Variants in CHST12 observed in about 807,000 individuals in gnomAD.
The protein encoded by CHST12 is carbohydrate (chondroitin 4) sulfotransferase 12.
CHST12 carries 23 observed loss-of-function variants against 27.9 expected under a neutral mutation model. The ratio of observed to expected loss-of-function variants is 0.82; its 90% CI spans 0.59 to 1.17. The LOEUF is 1.17. CHST12 is among the 50% of genes most tolerant of loss of function. The pLI, the probability that CHST12 is intolerant of heterozygous loss-of-function variation, is 0.00. For missense variants in CHST12, 682 were observed against 603.0 expected, an observed-to-expected ratio of 1.13 and a Z score of -1.37; for synonymous variants, 322 against 273.0, an observed-to-expected ratio of 1.18 and a Z score of -1.77.
At chr7:2,405,129 G>A (rs184859337) in intron 1 of CHST12, among the ~76,000 whole-genome samples, 1 of 152,240 alleles carries the variant, frequency 6.6e-6, no homozygotes, top group African/African-American at 2.4e-5. Context: ...GATGAAGTGG[G>A]GTTTGAGGAT....
rs1356710028 is a variant in CHST12 at position 2,439,022 on chromosome 7, G to A, written c.*5138G>A. 1.3e-5 allele frequency: 2 copies of A among 152,278 alleles called. No individual in the cohort carries two copies. Among genetic ancestry groups the A allele is most frequent in the Admixed American group, 6.5e-5 (1 of 15,282 alleles). 9.4% of individuals were successfully genotyped at this position (152,278 alleles called of 1,614,324 possible). On this transcript the variant is annotated 3_prime_UTR_variant, in exon 2 of 2. Coordinates refer to ENST00000618655, the MANE Select transcript of CHST12 (RefSeq NM_018641.5). ...TGAGGGAGGAAGGGCCACCAGATCGGGGGCCGGGCCGGGGTGAGCACCTGA... is the reference window on the plus strand; with the variant it reads ...TGAGGGAGGAAGGGCCACCAGATCGAGGGCCGGGCCGGGGTGAGCACCTGA...
intron 1 of CHST12, among the ~76,000 whole-genome samples, chr7:2,427,734 T>G (rs1328603231): frequency 6.6e-6 from 1 of 152,182 alleles, no homozygotes; most frequent in Non-Finnish European, 1.5e-5. Flanking sequence ...ATTTTTTAGC[T>G]TGTTAATATG....
intron 1 of CHST12, among the ~76,000 whole-genome samples, chr7:2,420,187 A>T (rs1283484868): frequency 6.6e-6 from 1 of 150,988 alleles, no homozygotes; most frequent in African/African-American, 2.5e-5. Flanking sequence ...GTTAGCCAGG[A>T]TGGTCTTGAT....
chr7:2,432,025 C>T (rs535296370), intron 1 of CHST12, among the ~76,000 whole-genome samples: 45 of 151,692 alleles, frequency 3.0e-4, no homozygotes, highest in African/African-American at 9.9e-4. Flanking sequence ...GATATAGATT[C>T]GAAGATTAAA....
intron 1 of CHST12, among the ~76,000 whole-genome samples, chr7:2,420,303 C>G (rs927771726): frequency 1.1e-4 from 17 of 152,116 alleles, no homozygotes; most frequent in Admixed American, 7.2e-4. Flanking sequence ...TGGCTTATTT[C>G]ACTGAGCATA....
chr7:2,431,473 T>A (rs1782267864), intron 1 of CHST12, among the ~76,000 whole-genome samples: 1 of 152,226 alleles, frequency 6.6e-6, no homozygotes, highest in South Asian at 2.1e-4. Flanking sequence ...TACTGGGCCC[T>A]GACCTGGCTG....
At chr7:2,409,277 A>G (rs1372468546) in intron 1 of CHST12, among the ~76,000 whole-genome samples, 3 of 152,182 alleles carry the variant, frequency 2.0e-5, no homozygotes, top group African/African-American at 4.8e-5. Flanking sequence ...CTGAACAACC[A>G]AGGTTCACTC....
rs145197831 is a variant in CHST12 at position 2,406,741 on chromosome 7, C to T, written c.-78+3068C>T. Among the ~76,000 whole-genome samples, 35 of 152,190 alleles carry T rather than the reference C, an allele frequency of 2.3e-4. No homozygotes were observed. The East Asian group carries it at 6.2e-3, about 27-fold the overall frequency. ...AGCTGGATCCCTTGCTAACGAAGCC[C>T]GTCATTAATAACCCCCTCCCAGTGT... On this transcript the variant is annotated intron_variant, in intron 1 of 1. Transcript: ENST00000618655.
intron 1 of CHST12, among the ~76,000 whole-genome samples, chr7:2,422,671 G>A (rs1226729527): frequency 6.6e-6 from 1 of 152,066 alleles, no homozygotes; most frequent in Non-Finnish European, 1.5e-5. Context: ...CAGTAGCTGG[G>A]ACTACAGGCA....
chr7:2,419,882 G>T (rs1310049687), intron 1 of CHST12, among the ~76,000 whole-genome samples: 1 of 141,524 alleles, frequency 7.1e-6, no homozygotes. Flanking sequence ...CCCCTCCCCT[G>T]CCCCCACAAC....
In CHST12 at chr7:2,433,879, G is replaced by A. The variant is rs1225344030; in HGVS notation, c.1240G>A (p.Asp414Asn). The change falls in exon 2 of 2, where the codon GAC becomes AAC. Residue 414 changes from aspartate (D) to asparagine (N), a missense_variant. Physicochemically the swap from Asp to Asn is conservative, Grantham distance 23. Transcript: ENST00000618655. The surrounding 1 kb of genome is among the most constrained non-coding windows in gnomAD (Gnocchi z 6.1). ...GYPKPENLLRD is the reference protein window; with the variant it reads ...GYPKPENLLRN ...CCCCAAGCCCGAAAACCTCCTCCGA[G>A]ACTGAAAGCTTTCGCGTTGCTTTTT... is the stretch of plus-strand genomic sequence containing the variant. 2 of 1,563,074 alleles carry A rather than the reference G, an allele frequency of 1.3e-6. No homozygotes were observed. Among genetic ancestry groups the A allele is most frequent in the South Asian group, 1.1e-5 (1 of 87,754 alleles).
chr7:2,414,838 A>T (rs140147083), intron 1 of CHST12, among the ~76,000 whole-genome samples: 1 of 152,270 alleles, frequency 6.6e-6, no homozygotes, highest in African/African-American at 2.4e-5. Flanking sequence ...TCATGCAGAT[A>T]TCCAGTTGTT....
chr7:2,430,445 A>G (rs571453089), intron 1 of CHST12, among the ~76,000 whole-genome samples: 18 of 152,230 alleles, frequency 1.2e-4, no homozygotes, highest in Non-Finnish European at 2.1e-4. Context: ...TCTCCTGAGT[A>G]GCTGGGATTA....
chr7:2,417,416 G>A (rs540693111), intron 1 of CHST12, among the ~76,000 whole-genome samples: 48 of 143,514 alleles, frequency 3.3e-4, no homozygotes, highest in African/African-American at 1.2e-3. Flanking sequence ...TTGTGATGGA[G>A]TCTCACAGTG....
chr7:2,428,819 G>T (rs1388153620), intron 1 of CHST12, among the ~76,000 whole-genome samples: 1 of 152,162 alleles, frequency 6.6e-6, no homozygotes, highest in Admixed American at 6.6e-5. Context: ...GCAAAAGCTG[G>T]TTACAAACAA....
chr7:2,433,047 C>A lies in CHST12; in HGVS notation c.408C>A (p.Ser136Arg), dbSNP rs142186622. The A allele has an allele frequency of 6.2e-7, 1 of 1,611,694 alleles. No homozygotes were observed. Among genetic ancestry groups the A allele is most frequent in the Non-Finnish European group, 8.5e-7 (1 of 1,179,644 alleles). The change falls in exon 2 of 2, where the codon AGC (serine) becomes AGA (arginine). Residue 136 changes from serine to arginine, a missense_variant. Physicochemically the swap from Ser to Arg is moderately radical, Grantham distance 110. Transcript: ENST00000618655. This position sits in a 1 kb window ranked among gnomAD's most constrained non-coding sequence, Gnocchi z 6.1. ...SVLRGFCANS[S>R]LAFPTKERAF... ...TGCGGGGCTTCTGCGCCAACTCCAG[C>A]CTGGCCTTCCCCACCAAGGAGCGCG...
At chr7:2,431,022 G>A (rs1413670300) in intron 1 of CHST12, among the ~76,000 whole-genome samples, 2 of 152,232 alleles carry the variant, frequency 1.3e-5, no homozygotes, top group African/African-American at 4.8e-5. Flanking sequence ...GGTTGCTGGT[G>A]TTGAGTTCTT....
intron 1 of CHST12, among the ~76,000 whole-genome samples, chr7:2,431,554 G>A (rs193038055): frequency 6.6e-6 from 1 of 152,286 alleles, no homozygotes; most frequent in Admixed American, 6.5e-5. Context: ...ATGCCAGGTG[G>A]GGTCAAGGCT....
rs1397469752 is a variant in CHST12 at position 2,447,558 on chromosome 7, C to T, written c.*13674C>T. The T allele has an allele frequency of 1.3e-5, 2 of 152,196 alleles. No individual in the cohort carries two copies. Among genetic ancestry groups the T allele is most frequent in the African/African-American group, 4.8e-5 (2 of 41,394 alleles). The allele number at this position is 152,196 out of a possible 1,614,324, so 9.4% of individuals were successfully genotyped here. A position where few individuals can be genotyped will look rare whatever the true frequency, so the allele number is the denominator to read the frequency against. ...CACAATCTTAGCTCACTGCAACCTC[C>T]ACCTCCCAGGTTCAAGCGATTTTCA... On this transcript the variant is annotated 3_prime_UTR_variant, in exon 2 of 2. Transcript: ENST00000618655.
Sources: allele counts gnomAD v4.1 joint callset (sites outside exome capture counted in the v4.1 genomes callset), GRCh38; gene constraint gnomAD v4.1.1; non-coding constraint Gnocchi (gnomAD v3.1); transcripts MANE v1.5; gene names NCBI Gene and HGNC (gene_info 2026-07-23, HGNC 2026-07-21).